The following TNIK variants were observed in gnomAD, a reference collection of about 807,000 sequenced individuals.
TNIK encodes TRAF2 and NCK interacting kinase, also known as TRAF2 and NCK-interacting protein kinase.
Under a neutral mutation model 191.3 loss-of-function variants are expected in TNIK, and 49 were observed. The observed-to-expected ratio is 0.26, with a 90% CI of 0.20 to 0.32. The LOEUF (loss-of-function observed/expected upper bound fraction) is 0.32. TNIK is among the 10% of genes least tolerant of loss of function. The probability of loss-of-function intolerance (pLI) is 1.00; values close to 1 mark genes in which losing one functional copy is unlikely to be tolerated. For missense variants in TNIK, 1,155 were observed against 1,702.3 expected, an observed-to-expected ratio of 0.68 and a Z score of 5.66; for synonymous variants, 594 against 600.9, an observed-to-expected ratio of 0.99 and a Z score of 0.17.
chr3:171,212,710 A>G (rs1443884430), intron 3 of TNIK, among the ~76,000 whole-genome samples: 2 of 152,202 alleles, frequency 1.3e-5, no homozygotes, highest in African/African-American at 4.8e-5. Context: ...CAACATCCCT[A>G]GCACCAAGCA....
intron 1 of TNIK, 79 bp downstream of exon 1, chr3:171,459,928 C>T (rs1729266376): frequency 9.1e-6 from 13 of 1,433,508 alleles, no homozygotes; most frequent in African/African-American, 1.4e-5. Flanking sequence ...CTGCCCCAGC[C>T]CCAGCCCCCA....
intron 2 of TNIK, among the ~76,000 whole-genome samples, chr3:171,363,251 T>G (rs1715241390): frequency 6.6e-6 from 1 of 152,160 alleles, no homozygotes; most frequent in African/African-American, 2.4e-5. Context: ...ACAGTGATAA[T>G]GTGATTTAAT....
chr3:171,251,126 C>T (rs989043395), intron 2 of TNIK, among the ~76,000 whole-genome samples: 6 of 152,172 alleles, frequency 3.9e-5, no homozygotes, highest in African/African-American at 1.4e-4. Flanking sequence ...GGGCAACATC[C>T]TATGAGAGAT....
At chr3:171,324,123 C>T (rs565002096) in intron 2 of TNIK, among the ~76,000 whole-genome samples, 14 of 143,214 alleles carry the variant, frequency 9.8e-5, no homozygotes, top group Non-Finnish European at 1.8e-4. Context: ...CCAAGCAGAA[C>T]GTCACCCAAA....
At chr3:171,288,227 G>T (rs1475694444) in intron 2 of TNIK, among the ~76,000 whole-genome samples, 1 of 148,044 alleles carries the variant, frequency 6.8e-6, no homozygotes, top group South Asian at 2.2e-4. Context: ...TAGATGACGA[G>T]TTAGTGGGTG....
rs1247226716 is a variant in TNIK, at chr3:171,426,011, C to T, written c.57+33996G>A. Among the ~76,000 whole-genome samples, 3 of 151,946 alleles carry T rather than the reference C, an allele frequency of 2.0e-5. No homozygotes were observed. In the South Asian group the frequency reaches 6.2e-4, roughly 32 times the overall value. On this transcript the variant is annotated intron_variant, in intron 1 of 32. Coordinates refer to ENST00000436636, the MANE Select transcript of TNIK (RefSeq NM_015028.4). ...CGTCAGTGTGGCGATTTCTCAGGGA[C>T]CTAGAATGAGAAATACCGTTTGACC...
At position 171,409,953 on chromosome 3, in the gene TNIK, C is replaced by T. The variant is rs182856133; in HGVS notation, c.58-40268G>A. Among the ~76,000 whole-genome samples the T allele has an allele frequency of 5.3e-5, 8 of 151,968 alleles. No individual in the cohort carries two copies. In the East Asian group the frequency reaches 1.4e-3, roughly 26 times the overall value. ...AGTGTTTCTTCTGGCCTATGCAACACTTGCTTTGCATGTATATTATGCCAG... is the reference window on the plus strand; with the variant it reads ...AGTGTTTCTTCTGGCCTATGCAACATTTGCTTTGCATGTATATTATGCCAG... On this transcript the variant is annotated intron_variant, in intron 1 of 32. Transcript: ENST00000436636.
At chr3:171,109,051 C>T (rs1725423628) in intron 19 of TNIK, among the ~76,000 whole-genome samples, 1 of 152,168 alleles carries the variant, frequency 6.6e-6, no homozygotes, top group Admixed American at 6.5e-5. Flanking sequence ...AAAAGTAAGC[C>T]TGAACCAGAC....
intron 2 of TNIK, among the ~76,000 whole-genome samples, chr3:171,236,653 A>G (rs1050459600): frequency 6.6e-6 from 1 of 152,144 alleles, no homozygotes; most frequent in Non-Finnish European, 1.5e-5. Flanking sequence ...GTTCTTGGAG[A>G]AACAGGGTTC....
intron 2 of TNIK, among the ~76,000 whole-genome samples, chr3:171,244,046 T>C (rs1560312535): frequency 6.7e-6 from 1 of 149,610 alleles, no homozygotes; most frequent in African/African-American, 2.5e-5. Flanking sequence ...TTGTTTTTTT[T>C]AGAGACAGAA....
intron 3 of TNIK, among the ~76,000 whole-genome samples, chr3:171,211,720 G>A (rs1740850415): frequency 6.6e-6 from 1 of 152,166 alleles, no homozygotes; most frequent in Non-Finnish European, 1.5e-5. Flanking sequence ...TGAAGATGAT[G>A]AAAGTCAGAT....
rs79607104 is a variant in TNIK, at chr3:171,448,569, C to CTTT, written c.57+11435_57+11437dup. On this transcript the variant is annotated intron_variant, in intron 1 of 32. Transcript: ENST00000436636. The stretch of plus-strand genomic sequence containing the variant: ...AGGTTACTATAAATATTCATGTACA[C>CTTT]TTTTTTTTTTTTTTTTTTGCATGAA... Among the ~76,000 whole-genome samples, 880 of 126,364 alleles carry CTTT rather than the reference C, an allele frequency of 7.0e-3. 24 individuals carry two copies. The highest frequency in any genetic ancestry group is 0.023 in the African/African-American group (770 of 33,532). The allele number at this position is 126,364 out of a possible 152,430, so 82.9% of individuals were successfully genotyped here. A position where few individuals can be genotyped will look rare whatever the true frequency, so the allele number is the denominator to read the frequency against.
chr3:171,305,747 C>T (rs940781282), intron 2 of TNIK, among the ~76,000 whole-genome samples: 19 of 152,146 alleles, frequency 1.2e-4, no homozygotes, highest in South Asian at 4.1e-4. Flanking sequence ...GAAAAGGCAA[C>T]GCTTATACAC....
chr3:171,108,156 C>A lies in TNIK; in HGVS notation c.2291G>T (p.Ser764Ile). ...GAGCACAGGTGATCCTTCTGACTTA[C>A]TGTTGGCTAGAGGAAAAAAACAGAG... ...SSERTRVRANSKSEGSPVLPH... is the reference protein window; with the variant it reads ...SSERTRVRANIKSEGSPVLPH... Residue 764 changes from serine (S) to isoleucine (I), a missense_variant, in exon 20 of 33, where the codon AGT becomes ATT. By Grantham distance (142) the Ser-to-Ile change is moderately radical. Around this residue, in one of 3 missense-constraint regions of TNIK, gnomAD observed 735 missense variants for 848.0 expected, o/e 0.87. Transcript: ENST00000436636. The A allele has an allele frequency of 6.5e-7, 1 of 1,549,292 alleles. No homozygotes were observed. Among genetic ancestry groups the A allele is most frequent in the Non-Finnish European group, 8.7e-7 (1 of 1,148,660 alleles).
Position 171,434,670 on chromosome 3 carries a change from G to C in TNIK, c.57+25337C>G, listed in dbSNP as rs192451139. ...AGACAGGGTCTTTCTATGTTGCCCAGGCTGGTCTTGAACTCCTGGCCTCAA... is the reference window on the plus strand; with the variant it reads ...AGACAGGGTCTTTCTATGTTGCCCACGCTGGTCTTGAACTCCTGGCCTCAA... On this transcript the variant is annotated intron_variant, in intron 1 of 32. Coordinates refer to ENST00000436636, the MANE Select transcript of TNIK (RefSeq NM_015028.4). Among the ~76,000 whole-genome samples, 336 of 152,036 alleles carry C rather than the reference G, an allele frequency of 2.2e-3. 2 individuals carry two copies. The highest frequency in any genetic ancestry group is 7.6e-3 in the African/African-American group (314 of 41,464).
At chr3:171,370,244 T>C (rs572926738) in intron 1 of TNIK, among the ~76,000 whole-genome samples, 21 of 152,322 alleles carry the variant, frequency 1.4e-4, no homozygotes, top group African/African-American at 5.1e-4. Flanking sequence ...TCTTCTGTAA[T>C]ACTGCCTCTA....
chr3:171,305,470 C>T (rs756343647), intron 2 of TNIK, among the ~76,000 whole-genome samples: 21 of 152,152 alleles, frequency 1.4e-4, no homozygotes, highest in Middle Eastern at 3.4e-3. Flanking sequence ...ATACATCTAA[C>T]GAAGTCTAAT....
chr3:171,309,439 T>C (rs777153859), intron 2 of TNIK, among the ~76,000 whole-genome samples: 5 of 152,082 alleles, frequency 3.3e-5, no homozygotes, highest in Non-Finnish European at 7.4e-5. Context: ...ATCAAACAAC[T>C]ATCTATCATG....
intron 23 of TNIK, among the ~76,000 whole-genome samples, chr3:171,089,455 T>C (rs927509803): frequency 5.9e-5 from 9 of 152,190 alleles, no homozygotes; most frequent in African/African-American, 2.2e-4. Context: ...GTCATCTCTT[T>C]GGAATTTTTT....
Sources: gnomAD v4.1 joint callset for allele counts (sites outside exome capture counted in the v4.1 genomes callset) on GRCh38, gnomAD v4.1.1 for gene constraint, gnomAD v4.1.1 regional missense constraint, MANE v1.5 for transcripts, NCBI Gene and HGNC (gene_info 2026-07-23, HGNC 2026-07-21) for gene names.